Variants in MBNL2 observed in about 807,000 individuals in gnomAD.
The protein encoded by MBNL2 is muscleblind-like protein 2.
MBNL2 carries 17 observed loss-of-function variants against 41.9 expected under a neutral mutation model. That is an observed-to-expected ratio of 0.41 (90% CI 0.28 to 0.61). MBNL2 has a LOEUF of 0.61. MBNL2 is among the 20% of genes least tolerant of loss of function. The pLI is 0.35. For missense variants in MBNL2, 336 were observed against 505.6 expected, an observed-to-expected ratio of 0.66 and a Z score of 3.22; for synonymous variants, 195 against 182.9, an observed-to-expected ratio of 1.07 and a Z score of -0.53.
At chr13:97,162,136 A>G in the MBNL2 span, among the ~76,000 whole-genome samples, 2 of 152,162 alleles carry the variant, frequency 1.3e-5, no homozygotes, top group Non-Finnish European at 2.9e-5. Context: ...ACCAGATCTC[A>G]TGATAACTCA....
chr13:97,348,811 C>CTGAT (rs2062142974), intron 5 of MBNL2, among the ~76,000 whole-genome samples: 2 of 152,214 alleles, frequency 1.3e-5, no homozygotes, highest in Admixed American at 1.3e-4. Context: ...ACACTGATTA[C>CTGAT]TGATTAAAAT....
chr13:97,192,490 G>T, the MBNL2 span, among the ~76,000 whole-genome samples: 71 of 152,308 alleles, frequency 4.7e-4, no homozygotes, highest in Non-Finnish European at 2.8e-4. Flanking sequence ...TACTCCAAGG[G>T]TGAAACCAGT....
At chr13:97,165,703 T>C in the MBNL2 span, among the ~76,000 whole-genome samples, 1 of 152,210 alleles carries the variant, frequency 6.6e-6, no homozygotes, top group African/African-American at 2.4e-5. Context: ...CTCCCTAACA[T>C]CCAGGACACT....
At chr13:97,215,200 T>C in the MBNL2 span, among the ~76,000 whole-genome samples, 1 of 151,728 alleles carries the variant, frequency 6.6e-6, no homozygotes, top group Admixed American at 6.6e-5. Context: ...GGAGGCATGA[T>C]ATGACCATCA....
the MBNL2 span, among the ~76,000 whole-genome samples, chr13:97,197,671 G>A: frequency 1.3e-5 from 2 of 152,078 alleles, no homozygotes; most frequent in Admixed American, 6.5e-5. Context: ...ATCTATGAAT[G>A]CATTACTACT....
At chr13:97,205,193 T>C in the MBNL2 span, among the ~76,000 whole-genome samples, 1 of 141,270 alleles carries the variant, frequency 7.1e-6, no homozygotes, top group African/African-American at 2.6e-5. Context: ...TATATATATA[T>C]AAATATATAA....
At chr13:97,155,031 T>C in the MBNL2 span, among the ~76,000 whole-genome samples, 2 of 152,160 alleles carry the variant, frequency 1.3e-5, no homozygotes, top group Non-Finnish European at 2.9e-5. Context: ...TAATCGTCCC[T>C]TCAACTGTGG....
chr13:97,168,718 C>G, the MBNL2 span, among the ~76,000 whole-genome samples: 1 of 152,182 alleles, frequency 6.6e-6, no homozygotes, highest in Non-Finnish European at 1.5e-5. Context: ...CAAATAATCA[C>G]TCAGGGTCCC....
At chr13:97,344,319 T>C (rs2153083924) in intron 4 of MBNL2, among the ~76,000 whole-genome samples, 1 of 152,362 alleles carries the variant, frequency 6.6e-6, no homozygotes, top group South Asian at 2.1e-4. Context: ...CACTACAGCA[T>C]TTCATAAGGG....
intron 2 of MBNL2, among the ~76,000 whole-genome samples, chr13:97,301,754 G>A (rs954580625): frequency 3.9e-5 from 6 of 152,196 alleles, no homozygotes; most frequent in Non-Finnish European, 4.4e-5. Context: ...TAGATGCGGG[G>A]TTTAGTTAAC....
At chr13:97,373,626 T>TATATATATA (rs2064630077) in intron 8 of MBNL2, among the ~76,000 whole-genome samples, 2 of 107,634 alleles carry the variant, frequency 1.9e-5, no homozygotes, top group South Asian at 2.7e-4. Context: ...ATATATATAT[T>TATATATATA]AAGGGTAGGA....
intron 8 of MBNL2, among the ~76,000 whole-genome samples, chr13:97,375,007 C>T (rs1022261082): frequency 3.3e-5 from 5 of 152,194 alleles, no homozygotes; most frequent in African/African-American, 1.2e-4. Context: ...GGGCACTTAT[C>T]TACCCAAGCT....
chr13:97,268,161 C>T lies in MBNL2; in HGVS notation c.-604-7471C>T, dbSNP rs573719400. Among the ~76,000 whole-genome samples, 224 of 152,282 alleles carry T rather than the reference C, an allele frequency of 1.5e-3. 1 individual carries two copies. Among genetic ancestry groups the T allele is most frequent in the Non-Finnish European group, 2.5e-3 (167 of 68,032 alleles). On this transcript the variant is annotated intron_variant, in intron 1 of 8. Coordinates refer to ENST00000679496, the MANE Select transcript of MBNL2 (RefSeq NM_001382683.1). The surrounding 1 kb of genome is among the most constrained non-coding windows in gnomAD (Gnocchi z 4.6). The stretch of plus-strand genomic sequence containing the variant: ...CCAGGCTAGAGTGCAGTGGCACGAT[C>T]TTGGCTCACTGCAACCTCTGCCTCC...
In MBNL2 at chr13:97,372,233, TG is replaced by T. The variant is rs556776801; in HGVS notation, c.1048+7065del. On this transcript the variant is annotated intron_variant, in intron 8 of 8. Coordinates refer to ENST00000679496, the MANE Select transcript of MBNL2 (RefSeq NM_001382683.1). ...AAGCTAACGAAATCAGATTATATTC[TG>T]GGCAATATGTTAACCAACACTTAAT... 1.9e-3 allele frequency among the ~76,000 whole-genome samples: 292 copies of T among 152,356 alleles called. 2 individuals carry two copies. Among genetic ancestry groups the T allele is most frequent in the African/African-American group, 4.4e-3 (182 of 41,580 alleles).
At chr13:97,146,292 C>T in the MBNL2 span, among the ~76,000 whole-genome samples, 3 of 152,024 alleles carry the variant, frequency 2.0e-5, no homozygotes, top group Admixed American at 6.6e-5. Flanking sequence ...TGAGCCATCG[C>T]GCCCAGCAGG....
intron 8 of MBNL2, among the ~76,000 whole-genome samples, chr13:97,389,556 A>G (rs2066226508): frequency 6.6e-6 from 1 of 152,058 alleles, no homozygotes; most frequent in Admixed American, 6.6e-5. Context: ...AAAAATGGAA[A>G]TTAGGCAGGC....
the MBNL2 span, among the ~76,000 whole-genome samples, chr13:97,210,272 C>T: frequency 1.3e-5 from 2 of 152,130 alleles, no homozygotes; most frequent in African/African-American, 4.8e-5. Context: ...TTAAAAATAA[C>T]TTTAAGATTC....
chr13:97,191,487 G>A, the MBNL2 span, among the ~76,000 whole-genome samples: 1 of 151,870 alleles, frequency 6.6e-6, no homozygotes, highest in African/African-American at 2.4e-5. Flanking sequence ...CAAGGACCCC[G>A]TCTTTAGCTG....
intron 4 of MBNL2, among the ~76,000 whole-genome samples, chr13:97,343,719 C>T (rs1384572155): frequency 2.0e-5 from 3 of 152,234 alleles, no homozygotes; most frequent in Non-Finnish European, 4.4e-5. Context: ...ACAAGCATGG[C>T]TGCTCTAGTG....
Sources: gnomAD v4.1 joint callset for allele counts (sites outside exome capture counted in the v4.1 genomes callset) on GRCh38, gnomAD v4.1.1 for gene constraint, Gnocchi (gnomAD v3.1) non-coding constraint, MANE v1.5 for transcripts, NCBI Gene and HGNC (gene_info 2026-07-23, HGNC 2026-07-21) for gene names.